RNGTT: variants seen among roughly 807,000 people sequenced by gnomAD.
The protein encoded by RNGTT is RNA guanylyltransferase and 5'-phosphatase.
A neutral mutation model predicts 79.3 loss-of-function variants in RNGTT; 33 were observed. The ratio of observed to expected loss-of-function variants is 0.42; its 90% CI spans 0.32 to 0.56. The LOEUF is 0.56. Among genes scored for constraint, RNGTT ranks in the 20% least tolerant of loss-of-function variants. The pLI is 0.17. For missense variants in RNGTT, 497 were observed against 739.1 expected (o/e 0.67, Z 3.80); for synonymous variants, 222 against 235.9 (o/e 0.94, Z 0.54).
At chr6:88,816,903 G>A (rs1012696588) in intron 11 of RNGTT, among the ~76,000 whole-genome samples, 4 of 152,104 alleles carry the variant, frequency 2.6e-5, no homozygotes, top group Non-Finnish European at 5.9e-5. Context: ...GGGGCACACA[G>A]GCTGGGGGAG....
At chr6:88,860,948 T>G (rs555814753) in intron 8 of RNGTT, among the ~76,000 whole-genome samples, 1 of 152,178 alleles carries the variant, frequency 6.6e-6, no homozygotes, top group Admixed American at 6.5e-5. Context: ...CCCTAACATA[T>G]CCTTAATACC....
At chr6:88,614,194 C>T (rs774615630) in intron 15 of RNGTT, 78 bp downstream of exon 15, 210 of 1,417,532 alleles carry the variant, frequency 1.5e-4, no homozygotes, top group Non-Finnish European at 1.8e-4. Context: ...AGCAAAACAA[C>T]AAAGGCAGCA....
intron 12 of RNGTT, among the ~76,000 whole-genome samples, chr6:88,778,234 T>C (rs1474413011): frequency 6.6e-6 from 1 of 152,084 alleles, no homozygotes; most frequent in Non-Finnish European, 1.5e-5. Flanking sequence ...GAATGAACAT[T>C]GTAAGCCTTG....
chr6:88,719,713 C>T (rs1183627949), intron 13 of RNGTT, among the ~76,000 whole-genome samples: 2 of 152,144 alleles, frequency 1.3e-5, no homozygotes, highest in African/African-American at 4.8e-5. Context: ...ACTTGGTTTT[C>T]AATTTGCATT....
At chr6:88,873,116 G>T (rs868565981) in intron 8 of RNGTT, among the ~76,000 whole-genome samples, 1 of 152,032 alleles carries the variant, frequency 6.6e-6, no homozygotes, top group African/African-American at 2.4e-5. Context: ...GAACCAAATG[G>T]GTAGTGAGGG....
chr6:88,963,609 C>T lies in RNGTT; in HGVS notation c.-200G>A, dbSNP rs1484295436. 6.2e-6 allele frequency: 3 copies of T among 485,548 alleles called. No individual in the cohort carries two copies. Among genetic ancestry groups the T allele is most frequent in the African/African-American group, 4.1e-5 (2 of 49,332 alleles). The allele number at this position is 485,548 out of a possible 1,614,324, so 30.1% of individuals were successfully genotyped here. ...GATCAACTCCACAGCTCCAGGAGAA[C>T]CCACAATGCACCGCAACTTCCGCCC... On this transcript the variant is annotated 5_prime_UTR_variant, in exon 1 of 16. Coordinates refer to ENST00000369485, the MANE Select transcript of RNGTT (RefSeq NM_003800.5).
intron 13 of RNGTT, among the ~76,000 whole-genome samples, chr6:88,699,210 A>G (rs1775861798): frequency 6.6e-6 from 1 of 152,146 alleles, no homozygotes; most frequent in African/African-American, 2.4e-5. Context: ...GTCATATAAT[A>G]CTCTCTTTTC....
At chr6:88,907,050 C>T (rs1783676403) in intron 4 of RNGTT, among the ~76,000 whole-genome samples, 1 of 152,170 alleles carries the variant, frequency 6.6e-6, no homozygotes, top group Non-Finnish European at 1.5e-5. Flanking sequence ...TACCTTGAAG[C>T]TCTCTAGAAA....
Position 88,920,484 on chromosome 6 carries a change from GTATA to G in RNGTT, c.367+8497_367+8500del, listed in dbSNP as rs1315117466. ...TACATGAAATATGTTAAGGATGTGT[GTATA>G]TATATTCATACATTTATATGAATAT... On this transcript the variant is annotated intron_variant, in intron 4 of 15. Coordinates refer to ENST00000369485, the MANE Select transcript of RNGTT (RefSeq NM_003800.5). 2.0e-5 allele frequency among the ~76,000 whole-genome samples: 3 copies of G among 152,064 alleles called. No individual in the cohort carries two copies. In the East Asian group the frequency reaches 5.8e-4, roughly 29 times the overall value.
At chr6:88,649,298 TA>T (rs767591510) in intron 14 of RNGTT, among the ~76,000 whole-genome samples, 1 of 152,078 alleles carries the variant, frequency 6.6e-6, no homozygotes, top group African/African-American at 2.4e-5. Context: ...TTAGGTAAAA[TA>T]AGGGTATGAT....
At chr6:88,941,342 A>G (rs1784841987) in intron 1 of RNGTT, among the ~76,000 whole-genome samples, 162 bp from the exon 2 acceptor site, 1 of 152,156 alleles carries the variant, frequency 6.6e-6, no homozygotes, top group African/African-American at 2.4e-5. Flanking sequence ...ATCTCAGCTC[A>G]TTGAAACCTC....
chr6:88,862,424 G>A (rs768798588), intron 8 of RNGTT, among the ~76,000 whole-genome samples: 3 of 152,242 alleles, frequency 2.0e-5, no homozygotes, highest in Non-Finnish European at 4.4e-5. Flanking sequence ...GTTACTGGAG[G>A]GTGGCACATC....
chr6:88,626,138 T>C (rs1319567789), intron 14 of RNGTT, among the ~76,000 whole-genome samples: 3 of 151,968 alleles, frequency 2.0e-5, no homozygotes, highest in African/African-American at 7.2e-5. Flanking sequence ...AGACAGTAAA[T>C]GGTGAAGAAG....
intron 11 of RNGTT, among the ~76,000 whole-genome samples, chr6:88,821,678 A>T (rs1780501107): frequency 6.6e-6 from 1 of 152,012 alleles, no homozygotes; most frequent in Non-Finnish European, 1.5e-5. Flanking sequence ...CTGAAAGAAA[A>T]AATGGTGTCA....
chr6:88,933,393 C>T (rs1027460675), intron 2 of RNGTT, among the ~76,000 whole-genome samples: 1 of 152,160 alleles, frequency 6.6e-6, no homozygotes, highest in African/African-American at 2.4e-5. Flanking sequence ...CACTAACCAA[C>T]CTCCCTTCAC....
intron 12 of RNGTT, among the ~76,000 whole-genome samples, chr6:88,784,413 G>T (rs779214708): frequency 8.5e-5 from 13 of 152,066 alleles, no homozygotes; most frequent in Non-Finnish European, 1.8e-4. Flanking sequence ...GAGGCACAGG[G>T]GAGAGTCATG....
rs1774964009 is a variant in RNGTT at position 88,678,411 on chromosome 6, G to A, written c.1448C>T (p.Pro483Leu). 6 of 1,413,806 alleles carry A rather than the reference G, an allele frequency of 4.2e-6. No individual in the cohort carries two copies. Among genetic ancestry groups the A allele is most frequent in the African/African-American group, 1.4e-5 (1 of 69,286 alleles). 87.6% of individuals were successfully genotyped at this position (1,413,806 alleles called of 1,614,324 possible). Residue 483 changes from proline to leucine, a missense_variant, in exon 14 of 16, where the codon CCT becomes CTT. By Grantham distance (98) the Pro-to-Leu change is moderately conservative. Transcript: ENST00000369485. ...AACATACAGGAGGCCAACATTCTGAGGAAGTAACCTACAAAGAAAAAAAAG... is the reference window on the plus strand; with the variant it reads ...AACATACAGGAGGCCAACATTCTGAAGAAGTAACCTACAAAGAAAAAAAAG... ...ITRMGGEGLLPQNVGLLYVGG... is the reference protein window; with the variant it reads ...ITRMGGEGLLLQNVGLLYVGG...
intron 6 of RNGTT, among the ~76,000 whole-genome samples, chr6:88,895,041 T>G (rs932664454): frequency 6.6e-6 from 1 of 152,182 alleles, no homozygotes; most frequent in African/African-American, 2.4e-5. Flanking sequence ...ACAAATTATT[T>G]CTGTTTGTGA....
intron 14 of RNGTT, among the ~76,000 whole-genome samples, chr6:88,640,680 G>A (rs1024933696): frequency 2.6e-5 from 4 of 152,032 alleles, no homozygotes; most frequent in Non-Finnish European, 5.9e-5. Context: ...AAAAGAATGA[G>A]GATTGAGGAT....
Sources: allele counts gnomAD v4.1 joint callset (sites outside exome capture counted in the v4.1 genomes callset), GRCh38; gene constraint gnomAD v4.1.1; transcripts MANE v1.5; gene names NCBI Gene and HGNC (gene_info 2026-07-23, HGNC 2026-07-21).